TAFA5: variants seen among roughly 807,000 people sequenced by gnomAD.
TAFA5 encodes TAFA chemokine like family member 5.
Under a neutral mutation model 15.3 loss-of-function variants are expected in TAFA5, and 6 were observed. The observed-to-expected ratio is 0.39, with a 90% CI of 0.21 to 0.77. TAFA5 has a LOEUF of 0.77. TAFA5 is among the 30% of genes least tolerant of loss of function. The pLI, the probability that TAFA5 is intolerant of heterozygous loss-of-function variation, is 0.41. For synonymous variants in TAFA5, 103 were observed against 80.7 expected (o/e 1.28, Z -1.48); for missense variants, 161 against 193.1 (o/e 0.83, Z 0.98).
chr22:48,620,645 A>C (rs188842525), intron 1 of TAFA5, among the ~76,000 whole-genome samples: 41 of 59,968 alleles, frequency 6.8e-4, no homozygotes, highest in Non-Finnish European at 9.7e-4. Context: ...CTATCCACCC[A>C]CCCACCATCC....
chr22:48,551,735 C>G lies in TAFA5; in HGVS notation c.112+62031C>G, dbSNP rs534195438. Among the ~76,000 whole-genome samples the G allele has an allele frequency of 3.6e-4, 54 of 151,690 alleles. 1 individual carries two copies. Among genetic ancestry groups the G allele is most frequent in the Middle Eastern group, 6.8e-3 (2 of 294 alleles). The stretch of plus-strand genomic sequence containing the variant: ...GCAGGTGCAGGAGGGGAGACGGGGG[C>G]TAAGGAAACTCTGTGACAAGTGCTG... On this transcript the variant is annotated intron_variant, in intron 1 of 3. Transcript: ENST00000402357.
intron 1 of TAFA5, among the ~76,000 whole-genome samples, chr22:48,572,709 A>G (rs1923632106): frequency 6.6e-6 from 1 of 152,210 alleles, no homozygotes; most frequent in Non-Finnish European, 1.5e-5. Context: ...TTATATCCAC[A>G]TGCAGTTAGC....
At chr22:48,737,855 C>T (rs1373437893) in intron 3 of TAFA5, among the ~76,000 whole-genome samples, 1 of 152,164 alleles carries the variant, frequency 6.6e-6, no homozygotes, top group East Asian at 1.9e-4. Flanking sequence ...GCTGCAGCCT[C>T]TGAGGTCAGA....
At chr22:48,508,073 G>A (rs749008152) in intron 1 of TAFA5, among the ~76,000 whole-genome samples, 2 of 152,210 alleles carry the variant, frequency 1.3e-5, no homozygotes, top group Non-Finnish European at 2.9e-5. Flanking sequence ...TTGCAGAGAG[G>A]GGTTGCTGGG....
intron 2 of TAFA5, among the ~76,000 whole-genome samples, chr22:48,672,293 A>G (rs1927827007): frequency 6.6e-6 from 1 of 152,234 alleles, no homozygotes. Context: ...GTCCACTTCA[A>G]TTATCTTCAC....
intron 2 of TAFA5, among the ~76,000 whole-genome samples, chr22:48,687,308 G>A (rs1276532028): frequency 6.7e-6 from 1 of 149,772 alleles, no homozygotes; most frequent in East Asian, 2.0e-4. Context: ...GGATGGGTGG[G>A]TGGATGAATG....
At chr22:48,575,995 C>A (rs551647215) in intron 1 of TAFA5, among the ~76,000 whole-genome samples, 1 of 86,688 alleles carries the variant, frequency 1.2e-5, no homozygotes, top group East Asian at 3.3e-4. Context: ...GAGCAGCGGG[C>A]GGTGGGGGCC....
chr22:48,543,189 C>T (rs879934219), intron 1 of TAFA5: 1 of 152,058 alleles, frequency 6.6e-6, no homozygotes, highest in Non-Finnish European at 1.5e-5. Flanking sequence ...CTCCTCCAGC[C>T]CTGTTGAAAA....
intron 1 of TAFA5, among the ~76,000 whole-genome samples, chr22:48,643,968 A>T (rs1318831711): frequency 2.0e-5 from 3 of 152,226 alleles, no homozygotes; most frequent in Admixed American, 2.0e-4. Context: ...CCTTCTGCGT[A>T]AATCACAACG....
intron 1 of TAFA5, among the ~76,000 whole-genome samples, chr22:48,533,614 G>C (rs995369691): frequency 6.6e-6 from 1 of 152,214 alleles, no homozygotes; most frequent in Non-Finnish European, 1.5e-5. Context: ...GCCCTCGGGA[G>C]ATGGCTGTAG....
intron 1 of TAFA5, among the ~76,000 whole-genome samples, chr22:48,522,166 A>G (rs941102779): frequency 2.0e-5 from 3 of 151,744 alleles, no homozygotes; most frequent in African/African-American, 7.3e-5. Context: ...TGGGCAGCCC[A>G]AGGCTGACGG....
chr22:48,684,872 A>G (rs1928305948), intron 2 of TAFA5, among the ~76,000 whole-genome samples: 1 of 152,188 alleles, frequency 6.6e-6, no homozygotes, highest in African/African-American at 2.4e-5. Flanking sequence ...AGCTTCCCAG[A>G]GCTTCCCTGC....
chr22:48,593,456 C>G (rs908936716), intron 1 of TAFA5, among the ~76,000 whole-genome samples: 2 of 151,662 alleles, frequency 1.3e-5, no homozygotes, highest in Non-Finnish European at 2.9e-5. Context: ...GGTAGAGGTT[C>G]TGAGCTGGCT....
At chr22:48,612,608 C>T (rs186363680) in intron 1 of TAFA5, among the ~76,000 whole-genome samples, 1 of 152,218 alleles carries the variant, frequency 6.6e-6, no homozygotes, top group African/African-American at 2.4e-5. Context: ...TCTGCTGTTC[C>T]CCACGTGTCT....
chr22:48,530,512 CAG>C lies in TAFA5; in HGVS notation c.112+40816_112+40817del, dbSNP rs1291578026. 6.6e-6 allele frequency among the ~76,000 whole-genome samples: 1 copy of C among 152,174 alleles called. No homozygotes were observed. Among genetic ancestry groups the C allele is most frequent in the Non-Finnish European group, 1.5e-5 (1 of 68,044 alleles). ...TTCAGGGGAACCTGCTGCAGGTTTACAGAGAGAGAAGCTGAGGCCCAGAGTGG... is the reference window on the plus strand; with the variant it reads ...TTCAGGGGAACCTGCTGCAGGTTTACAGAGAGAAGCTGAGGCCCAGAGTGG... On this transcript the variant is annotated intron_variant, in intron 1 of 3. Transcript: ENST00000402357. This position sits in a 1 kb window ranked among gnomAD's most constrained non-coding sequence, Gnocchi z 6.0.
Position 48,590,996 on chromosome 22 carries a change from C to T in TAFA5, c.113-55601C>T, listed in dbSNP as rs565455570. 4.6e-3 allele frequency among the ~76,000 whole-genome samples: 706 copies of T among 152,176 alleles called. 6 individuals are homozygous for T. Among genetic ancestry groups the T allele is most frequent in the African/African-American group, 0.016 (678 of 41,508 alleles). ...CCTCCTGAGTAGCTGGGATTACAGGCGCCCATCACCACGCCCAGCTAATTT... is the reference window on the plus strand; with the variant it reads ...CCTCCTGAGTAGCTGGGATTACAGGTGCCCATCACCACGCCCAGCTAATTT... On this transcript the variant is annotated intron_variant, in intron 1 of 3. Coordinates refer to ENST00000402357, the MANE Select transcript of TAFA5 (RefSeq NM_001082967.3).
chr22:48,677,818 C>A (rs1928023730), intron 2 of TAFA5, among the ~76,000 whole-genome samples: 1 of 152,152 alleles, frequency 6.6e-6, no homozygotes, highest in African/African-American at 2.4e-5. Context: ...CAGCTACAGG[C>A]AGCTGTCCTG....
At chr22:48,568,718 G>T (rs1362621558) in intron 1 of TAFA5, among the ~76,000 whole-genome samples, 9 of 152,244 alleles carry the variant, frequency 5.9e-5, no homozygotes, top group Admixed American at 2.6e-4. Context: ...CACAACGGTG[G>T]CTGGAGCTGT....
At chr22:48,644,684 G>A (rs1009623239) in intron 1 of TAFA5, among the ~76,000 whole-genome samples, 2 of 152,222 alleles carry the variant, frequency 1.3e-5, no homozygotes, top group African/African-American at 4.8e-5. Flanking sequence ...CAGGTGACAA[G>A]GCAGGTGCCA....
Sources: allele counts gnomAD v4.1 joint callset (sites outside exome capture counted in the v4.1 genomes callset), GRCh38; gene constraint gnomAD v4.1.1; non-coding constraint Gnocchi (gnomAD v3.1); transcripts MANE v1.5; gene names NCBI Gene and HGNC (gene_info 2026-07-23, HGNC 2026-07-21).